The following VPS50 variants were observed in gnomAD, a reference collection of about 807,000 sequenced individuals.
The protein encoded by VPS50 is syndetin.
VPS50 carries 70 observed loss-of-function variants against 139.7 expected under a neutral mutation model. The observed-to-expected ratio is 0.50, with a 90% CI of 0.41 to 0.61. The LOEUF is 0.61. Ranked by LOEUF, VPS50 falls within the 20% of genes least tolerant of loss-of-function variation. VPS50 has a pLI of 0.00. For missense variants in VPS50, 921 were observed against 1,133.7 expected, an observed-to-expected ratio of 0.81 and a Z score of 2.69; for synonymous variants, 365 against 376.7, an observed-to-expected ratio of 0.97 and a Z score of 0.36.
At chr7:93,297,866 C>T (rs181695960) in intron 16 of VPS50, among the ~76,000 whole-genome samples, 120 of 152,286 alleles carry the variant, frequency 7.9e-4, no homozygotes, top group Admixed American at 3.3e-3. Context: ...TGAGATTTCT[C>T]TTGATATAAG....
intron 21 of VPS50, among the ~76,000 whole-genome samples, chr7:93,328,047 C>T (rs1241491215): frequency 6.6e-6 from 1 of 152,150 alleles, no homozygotes; most frequent in Non-Finnish European, 1.5e-5. Flanking sequence ...AATACTATTC[C>T]CTCCAGAAAC....
intron 1 of VPS50, among the ~76,000 whole-genome samples, chr7:93,237,793 A>G (rs571852036): frequency 1.3e-5 from 2 of 152,300 alleles, no homozygotes; most frequent in African/African-American, 4.8e-5. Flanking sequence ...AGTTTGTTCT[A>G]TAGGTAAACT....
intron 21 of VPS50, 187 bp from the exon 22 acceptor site, chr7:93,333,930 A>C: frequency 1.9e-6 from 1 of 534,610 alleles, no homozygotes; most frequent in Non-Finnish European, 3.3e-6. Context: ...ACACAGGTAA[A>C]TGTTTCTTTG....
intron 23 of VPS50, 45 bp from the exon 24 acceptor site, chr7:93,348,666 A>G (rs948991621): frequency 1.6e-6 from 2 of 1,239,196 alleles, no homozygotes; most frequent in African/African-American, 3.0e-5. Flanking sequence ...CAGGCTCTAA[A>G]TCCTACACAA....
intron 1 of VPS50, among the ~76,000 whole-genome samples, chr7:93,238,747 C>T (rs1044848089): frequency 6.6e-6 from 1 of 152,048 alleles, no homozygotes; most frequent in Non-Finnish European, 1.5e-5. Context: ...CTGAGAAATA[C>T]TGTGTTCTTT....
intron 12 of VPS50, among the ~76,000 whole-genome samples, chr7:93,277,249 C>T (rs1796185051): frequency 6.6e-6 from 1 of 152,072 alleles, no homozygotes. Context: ...AGAATGGAAC[C>T]TATGTCAGAT....
intron 22 of VPS50, among the ~76,000 whole-genome samples, chr7:93,336,735 C>T (rs896020371): frequency 6.6e-6 from 1 of 152,182 alleles, no homozygotes; most frequent in Non-Finnish European, 1.5e-5. Context: ...TGGTCTTGAA[C>T]TCCTGACCTC....
chr7:93,322,744 A>G (rs1370416236), intron 20 of VPS50, among the ~76,000 whole-genome samples: 2 of 151,860 alleles, frequency 1.3e-5, no homozygotes, highest in Non-Finnish European at 2.9e-5. Context: ...AGTATAGAGC[A>G]TTTTTTAATA....
Position 93,257,814 on chromosome 7 carries a change from A to G in VPS50, c.423-345A>G, listed in dbSNP as rs1795533572. On this transcript the variant is annotated intron_variant, in intron 6 of 27. Transcript: ENST00000305866. ...AAACAAATTACTAGGCAAATGAAAT[A>G]AAGAAGGAAAGACATAATACAGTCT... 4.2e-5 allele frequency: 10 copies of G among 238,312 alleles called. No homozygotes were observed. In the East Asian group the frequency reaches 9.1e-4, roughly 22 times the overall value. The allele number at this position is 238,312 out of a possible 1,614,324, so 14.8% of individuals were successfully genotyped here. A position where few individuals can be genotyped will look rare whatever the true frequency, so the allele number is the denominator to read the frequency against.
At chr7:93,260,592 CTAGA>C (rs1338921332) in intron 9 of VPS50, among the ~76,000 whole-genome samples, 1 of 150,390 alleles carries the variant, frequency 6.6e-6, no homozygotes, top group Non-Finnish European at 1.5e-5. Context: ...AGGCTAAGGG[CTAGA>C]TATTTTCCTC....
chr7:93,251,919 A>G (rs561884500), intron 2 of VPS50, among the ~76,000 whole-genome samples: 2 of 152,298 alleles, frequency 1.3e-5, no homozygotes, highest in South Asian at 2.1e-4. Context: ...TTTACTAGTT[A>G]ACTGAAGCTT....
intron 20 of VPS50, among the ~76,000 whole-genome samples, chr7:93,313,499 A>G (rs1797333304): frequency 6.6e-6 from 1 of 152,232 alleles, no homozygotes; most frequent in Middle Eastern, 3.2e-3. Flanking sequence ...GCTTTATCAT[A>G]TCATATTTAA....
At position 93,307,914 on chromosome 7, in the gene VPS50, G is replaced by A. The variant is rs375519636; in HGVS notation, c.1630-910G>A. Among the ~76,000 whole-genome samples, 68 of 151,812 alleles carry A rather than the reference G, an allele frequency of 4.5e-4. No individual in the cohort carries two copies. In the South Asian group the frequency reaches 0.014, roughly 31 times the overall value. On this transcript the variant is annotated intron_variant, in intron 18 of 27. Transcript: ENST00000305866. ...CTCAAAAAATAGTTGTTGAATTAGG[G>A]GGCTAAATTCTTTCCATGTTGTTAT...
At position 93,324,135 on chromosome 7, in the gene VPS50, G is replaced by A. The variant is rs572197965; in HGVS notation, c.1977+403G>A. Among the ~76,000 whole-genome samples, 8 of 152,284 alleles carry A rather than the reference G, an allele frequency of 5.3e-5. No individual in the cohort carries two copies. The East Asian group carries it at 1.4e-3, about 26-fold the overall frequency. On this transcript the variant is annotated intron_variant, in intron 21 of 27. Coordinates refer to ENST00000305866, the MANE Select transcript of VPS50 (RefSeq NM_017667.4). ...GATAATGATGTATAAGAATGCTTGT[G>A]ATTTTTGTACATTGATTTTGTATCC...
chr7:93,291,248 T>G (rs565001682), intron 12 of VPS50, among the ~76,000 whole-genome samples: 45 of 152,236 alleles, frequency 3.0e-4, no homozygotes, highest in African/African-American at 1.1e-3. Context: ...TTTAAAAATT[T>G]AGAGATTGTC....
rs1317702858 is a variant in VPS50, at chr7:93,251,319, A to G, written c.103-1334A>G. ...AGACTGTATAAAGAAAATGTGGCAC[A>G]TATATACCTTGTAATATATGCAGCC... is the stretch of plus-strand genomic sequence containing the variant. On this transcript the variant is annotated intron_variant, in intron 2 of 27. Coordinates refer to ENST00000305866, the MANE Select transcript of VPS50 (RefSeq NM_017667.4). Among the ~76,000 whole-genome samples the G allele has an allele frequency of 2.6e-5, 4 of 152,230 alleles. 1 individual carries two copies. Among genetic ancestry groups the G allele is most frequent in the Admixed American group, 2.0e-4 (3 of 15,280 alleles).
intron 12 of VPS50, among the ~76,000 whole-genome samples, chr7:93,289,484 A>G (rs1796587654): frequency 6.6e-6 from 1 of 152,020 alleles, no homozygotes; most frequent in African/African-American, 2.4e-5. Context: ...TTGACCTCAC[A>G]TATGGTGTTT....
chr7:93,339,070 A>C (rs114322570), intron 22 of VPS50, among the ~76,000 whole-genome samples: 1,950 of 152,274 alleles, frequency 0.013, 36 homozygotes, highest in African/African-American at 0.044. Context: ...TACCAGAATT[A>C]AATAGCATAG....
chr7:93,239,921 G>C lies in VPS50; in HGVS notation c.89G>C (p.Arg30Pro). The change falls in exon 2 of 28, where the codon CGG becomes CCG. Residue 30 changes from arginine (R) to proline (P), a missense_variant. This residue lies in a region of VPS50 where 744 missense variants were observed against 930.6 expected (regional missense o/e 0.80). Transcript: ENST00000305866. ...LSDLGAIESL[R>P]VPGKEEFREL... Reference sequence around the variant, plus strand: ...GATCTTGGTGCCATAGAGAGTCTCCGGGTCCCTGGAAAGGTATTGAGCTAC... The same window carrying C: ...GATCTTGGTGCCATAGAGAGTCTCCCGGTCCCTGGAAAGGTATTGAGCTAC... The C allele has an allele frequency of 6.3e-7, 1 of 1,599,784 alleles. No individual in the cohort carries two copies. Among genetic ancestry groups the C allele is most frequent in the Non-Finnish European group, 8.6e-7 (1 of 1,167,616 alleles).
Sources: allele counts gnomAD v4.1 joint callset (sites outside exome capture counted in the v4.1 genomes callset), GRCh38; gene constraint gnomAD v4.1.1; regional missense constraint gnomAD v4.1.1; transcripts MANE v1.5; gene names NCBI Gene and HGNC (gene_info 2026-07-23, HGNC 2026-07-21).